The following ROR1 variants were observed in gnomAD, a reference collection of about 807,000 sequenced individuals.
The protein encoded by ROR1 is inactive tyrosine-protein kinase transmembrane receptor ROR1.
ROR1 carries 19 observed loss-of-function variants against 78.8 expected under a neutral mutation model. The ratio of observed to expected loss-of-function variants is 0.24; its 90% CI spans 0.17 to 0.35. ROR1 has a LOEUF of 0.35. Among genes scored for constraint, ROR1 ranks in the 10% least tolerant of loss-of-function variants. ROR1 has a pLI of 1.00. For synonymous variants in ROR1, 386 were observed against 433.6 expected (o/e 0.89, Z 1.36); for missense variants, 917 against 1,177.8 (o/e 0.78, Z 3.24).
intron 1 of ROR1, among the ~76,000 whole-genome samples, chr1:63,833,343 G>A (rs899086917): frequency 1.3e-5 from 2 of 152,232 alleles, no homozygotes; most frequent in Admixed American, 6.5e-5. Context: ...CTAAGTGTGT[G>A]CTGGTCAGAC....
chr1:63,965,636 T>C (rs1251048784), intron 1 of ROR1, among the ~76,000 whole-genome samples: 4 of 152,230 alleles, frequency 2.6e-5, no homozygotes, highest in Non-Finnish European at 5.9e-5. Context: ...CCTCCGAGAA[T>C]TGAAAGTGTT....
At chr1:63,825,656 T>C (rs1644948833) in intron 1 of ROR1, among the ~76,000 whole-genome samples, 1 of 152,232 alleles carries the variant, frequency 6.6e-6, no homozygotes, top group Non-Finnish European at 1.5e-5. Context: ...AATGGGTGAA[T>C]GTTATGTGAA....
intron 2 of ROR1, among the ~76,000 whole-genome samples, chr1:64,034,194 T>A (rs1251772223): frequency 6.6e-6 from 1 of 152,106 alleles, no homozygotes; most frequent in Admixed American, 6.6e-5. Flanking sequence ...TTTTTTTTTT[T>A]TTTTATTATC....
chr1:63,868,704 G>C, intron 1 of ROR1, among the ~76,000 whole-genome samples: 1 of 152,146 alleles, frequency 6.6e-6, no homozygotes, highest in Non-Finnish European at 1.5e-5. Context: ...TTCAGGGGAG[G>C]CAGTCTCCAC....
chr1:63,998,923 A>G (rs1433043270), intron 1 of ROR1, among the ~76,000 whole-genome samples: 1 of 152,120 alleles, frequency 6.6e-6, no homozygotes, highest in Non-Finnish European at 1.5e-5. Context: ...GTCTCACAAG[A>G]GCTGATGGTT....
At chr1:63,799,727 G>A (rs1318412983) in intron 1 of ROR1, among the ~76,000 whole-genome samples, 2 of 151,978 alleles carry the variant, frequency 1.3e-5, no homozygotes, top group Non-Finnish European at 2.9e-5. Context: ...GGACTGTGAG[G>A]TCTGGGTGAG....
chr1:63,777,598 G>C (rs1351634822), intron 1 of ROR1, among the ~76,000 whole-genome samples: 1 of 152,172 alleles, frequency 6.6e-6, no homozygotes, highest in South Asian at 2.1e-4. Context: ...TTAGTGAGGG[G>C]TCAGCTTTGC....
chr1:64,122,734 T>A, intron 4 of ROR1, among the ~76,000 whole-genome samples: 1 of 152,198 alleles, frequency 6.6e-6, no homozygotes, highest in Non-Finnish European at 1.5e-5. Context: ...TGTTCTCATT[T>A]CCCTGGAATC....
At chr1:63,872,098 T>G (rs1645255183) in intron 1 of ROR1, among the ~76,000 whole-genome samples, 2 of 152,210 alleles carry the variant, frequency 1.3e-5, no homozygotes, top group Non-Finnish European at 2.9e-5. Context: ...ACAAACAAAC[T>G]GCATGCTTTC....
At chr1:64,144,001 C>A (rs1649409956) in intron 7 of ROR1, among the ~76,000 whole-genome samples, 1 of 152,158 alleles carries the variant, frequency 6.6e-6, no homozygotes, top group Non-Finnish European at 1.5e-5. Context: ...TGGGAAGCTA[C>A]TGCAGGAATG....
At chr1:63,877,613 C>T (rs72928788) in intron 1 of ROR1, among the ~76,000 whole-genome samples, 2,055 of 152,150 alleles carry the variant, frequency 0.014, 32 homozygotes, top group African/African-American at 0.041. Context: ...TAGAAATGTA[C>T]AGGATGGCTG....
At chr1:63,980,283 T>C (rs948269372) in intron 1 of ROR1, among the ~76,000 whole-genome samples, 1 of 151,972 alleles carries the variant, frequency 6.6e-6, no homozygotes, top group Admixed American at 6.6e-5. Flanking sequence ...GTTATGAAGG[T>C]AGTGGGTGAT....
chr1:64,136,652 T>A lies in ROR1; in HGVS notation c.483-717T>A, dbSNP rs557188174. On this transcript the variant is annotated intron_variant, in intron 4 of 8. Transcript: ENST00000371079. ...GTGTCCCTCTGTCTTCAAGATGAAATCTATTACCCCTCCTTATAAAAAAAG... is the reference window on the plus strand; with the variant it reads ...GTGTCCCTCTGTCTTCAAGATGAAAACTATTACCCCTCCTTATAAAAAAAG... 4.2e-4 allele frequency among the ~76,000 whole-genome samples: 64 copies of A among 152,220 alleles called. 2 individuals carry two copies. In the South Asian group the frequency reaches 0.013, roughly 30 times the overall value.
intron 1 of ROR1, among the ~76,000 whole-genome samples, chr1:63,798,616 C>T (rs544280155): frequency 2.0e-5 from 3 of 152,330 alleles, no homozygotes; most frequent in Admixed American, 6.5e-5. Flanking sequence ...TGCATGTCTC[C>T]TTTGTATCCC....
intron 1 of ROR1, among the ~76,000 whole-genome samples, chr1:63,939,208 C>T (rs886287998): frequency 6.6e-6 from 1 of 152,106 alleles, no homozygotes; most frequent in African/African-American, 2.4e-5. Flanking sequence ...GCAGTGGTTT[C>T]CAACCTTTGC....
chr1:63,878,633 C>T (rs909096057), intron 1 of ROR1, among the ~76,000 whole-genome samples: 4 of 152,138 alleles, frequency 2.6e-5, no homozygotes, highest in Admixed American at 2.6e-4. Flanking sequence ...CTAGCCTCTG[C>T]TGACTTTGCT....
intron 4 of ROR1, among the ~76,000 whole-genome samples, chr1:64,090,867 G>A (rs572721631): frequency 6.6e-6 from 1 of 152,126 alleles, no homozygotes; most frequent in Non-Finnish European, 1.5e-5. Flanking sequence ...AGAGAACTCA[G>A]TTCTGTCTAG....
At chr1:63,919,491 T>C (rs76116340) in intron 1 of ROR1, among the ~76,000 whole-genome samples, 2 of 138,986 alleles carry the variant, frequency 1.4e-5, no homozygotes, top group Non-Finnish European at 3.0e-5. Context: ...GAATTGGCTT[T>C]TTTTTTTTTT....
chr1:63,800,275 G>C (rs1644787716), intron 1 of ROR1, among the ~76,000 whole-genome samples: 1 of 152,168 alleles, frequency 6.6e-6, no homozygotes, highest in East Asian at 1.9e-4. Context: ...TGATTTTGCT[G>C]TTACCTATAA....
Sources: allele counts gnomAD v4.1 joint callset (sites outside exome capture counted in the v4.1 genomes callset), GRCh38; gene constraint gnomAD v4.1.1; transcripts MANE v1.5; gene names NCBI Gene and HGNC (gene_info 2026-07-23, HGNC 2026-07-21).